The following TMC1 variants were observed in gnomAD, a reference collection of about 807,000 sequenced individuals.
TMC1 encodes transmembrane channel-like protein 1.
Under a neutral mutation model 105.8 loss-of-function variants are expected in TMC1, and 84 were observed. The observed-to-expected ratio is 0.79, with a 90% CI of 0.67 to 0.95. The LOEUF (loss-of-function observed/expected upper bound fraction) is 0.95. Ranked by LOEUF, TMC1 falls within the 40% of genes least tolerant of loss-of-function variation. The probability of loss-of-function intolerance (pLI) is 0.00; values close to 1 mark genes in which losing one functional copy is unlikely to be tolerated. For synonymous variants in TMC1, 315 were observed against 311.5 expected, an observed-to-expected ratio of 1.01 and a Z score of -0.12; for missense variants, 817 against 914.1, an observed-to-expected ratio of 0.89 and a Z score of 1.37.
chr9:72,773,594 T>C (rs919307119), intron 13 of TMC1, among the ~76,000 whole-genome samples: 3 of 152,208 alleles, frequency 2.0e-5, no homozygotes, highest in African/African-American at 7.2e-5. Flanking sequence ...TATAAGAGAC[T>C]GTCCATCAGA....
intron 2 of TMC1, among the ~76,000 whole-genome samples, chr9:72,584,823 T>G (rs1824529391): frequency 6.9e-6 from 1 of 144,860 alleles, no homozygotes; most frequent in Non-Finnish European, 1.5e-5. Flanking sequence ...CTCGCTTCGT[T>G]GCCCAGGCTG....
chr9:72,673,759 A>C (rs954705173), intron 5 of TMC1, among the ~76,000 whole-genome samples: 2 of 152,210 alleles, frequency 1.3e-5, no homozygotes, highest in Non-Finnish European at 2.9e-5. Context: ...TATCTATTAA[A>C]GAAATTAAGT....
intron 5 of TMC1, among the ~76,000 whole-genome samples, chr9:72,678,643 C>T (rs74550954): frequency 0.096 from 14,646 of 151,824 alleles, 831 homozygotes; most frequent in African/African-American, 0.14. Context: ...TGTTTATATG[C>T]AGTATGTATA....
At chr9:72,791,832 C>A in intron 15 of TMC1, 54 bp from the exon 16 acceptor site, 1 of 1,515,442 alleles carries the variant, frequency 6.6e-7, no homozygotes, top group Non-Finnish European at 9.1e-7. Context: ...TGGCAAAAAG[C>A]AATAATAACT....
At chr9:72,742,317 G>T in intron 9 of TMC1, 127 bp from the exon 10 acceptor site, 1 of 763,428 alleles carries the variant, frequency 1.3e-6, no homozygotes. Flanking sequence ...CCTTTGACTA[G>T]AAAGTAGTAT....
intron 12 of TMC1, among the ~76,000 whole-genome samples, chr9:72,757,688 C>G (rs1027961849): frequency 1.3e-5 from 2 of 152,156 alleles, no homozygotes; most frequent in Non-Finnish European, 2.9e-5. Context: ...TTGACTGTGA[C>G]CTGTCACGTG....
intron 1 of TMC1, among the ~76,000 whole-genome samples, chr9:72,543,982 C>T (rs1422355261): frequency 3.8e-5 from 5 of 132,580 alleles, no homozygotes; most frequent in African/African-American, 8.8e-5. Context: ...GATGGAGTCT[C>T]GTTCTTTCAC....
intron 19 of TMC1, among the ~76,000 whole-genome samples, chr9:72,816,890 C>T (rs766042558): frequency 3.4e-4 from 51 of 152,154 alleles, no homozygotes; most frequent in Non-Finnish European, 6.0e-4. Flanking sequence ...TCACGACATC[C>T]GATTCATCTG....
At chr9:72,803,247 G>A (rs550192176) in intron 17 of TMC1, among the ~76,000 whole-genome samples, 1 of 152,220 alleles carries the variant, frequency 6.6e-6, no homozygotes, top group African/African-American at 2.4e-5. Flanking sequence ...TGGATTAAAT[G>A]CTTATATATA....
intron 20 of TMC1, among the ~76,000 whole-genome samples, chr9:72,824,796 A>G (rs1828927358): frequency 6.6e-6 from 1 of 152,236 alleles, no homozygotes; most frequent in East Asian, 1.9e-4. Flanking sequence ...ATCAGAGGAA[A>G]GTGCGCCAAA....
intron 4 of TMC1, among the ~76,000 whole-genome samples, chr9:72,629,584 G>T (rs1394225607): frequency 6.6e-6 from 1 of 152,166 alleles, no homozygotes; most frequent in Non-Finnish European, 1.5e-5. Context: ...GTTTCTGTGT[G>T]TGTGTGTGTT....
intron 13 of TMC1, among the ~76,000 whole-genome samples, chr9:72,782,844 G>A (rs1230085552): frequency 6.6e-6 from 1 of 152,032 alleles, no homozygotes; most frequent in African/African-American, 2.4e-5. Flanking sequence ...AATTAATATT[G>A]TTAAAATGGC....
chr9:72,830,738 C>CTTTTTTTTTTTTTTTTTTTT (rs71495342), intron 23 of TMC1, 56 bp downstream of exon 23: 8 of 1,148,124 alleles, frequency 7.0e-6, no homozygotes, highest in Non-Finnish European at 7.3e-6. Context: ...CTTTTTCTTT[C>CTTTTTTTTTTTTTTTTTTTT]TTTTTTTTTT....
At chr9:72,573,746 G>A (rs1341202008) in intron 1 of TMC1, among the ~76,000 whole-genome samples, 1 of 152,064 alleles carries the variant, frequency 6.6e-6, no homozygotes, top group Non-Finnish European at 1.5e-5. Flanking sequence ...TATGTCAAAT[G>A]TTTTCTTTTG....
At chr9:72,638,408 A>G (rs1338896322) in intron 4 of TMC1, among the ~76,000 whole-genome samples, 2 of 152,010 alleles carry the variant, frequency 1.3e-5, no homozygotes, top group African/African-American at 4.8e-5. Flanking sequence ...TGACTATTCT[A>G]ATTCCAAATC....
chr9:72,758,752 G>A (rs868429785), intron 12 of TMC1, among the ~76,000 whole-genome samples: 1 of 152,114 alleles, frequency 6.6e-6, no homozygotes, highest in Non-Finnish European at 1.5e-5. Context: ...TTAACCAGAC[G>A]TTTCTCAGAA....
At chr9:72,765,475 C>G (rs1036574338) in intron 12 of TMC1, among the ~76,000 whole-genome samples, 1 of 151,544 alleles carries the variant, frequency 6.6e-6, no homozygotes, top group African/African-American at 2.4e-5. Context: ...AGAGCAGGCT[C>G]TAGAATGGGG....
At chr9:72,730,040 G>C (rs1458541578) in intron 8 of TMC1, among the ~76,000 whole-genome samples, 3 of 152,120 alleles carry the variant, frequency 2.0e-5, no homozygotes, top group Non-Finnish European at 4.4e-5. Context: ...GTTCCTTTTA[G>C]ACAGTACTAC....
At chr9:72,819,806 G>A (rs1828840557) in intron 19 of TMC1, among the ~76,000 whole-genome samples, 1 of 152,224 alleles carries the variant, frequency 6.6e-6, no homozygotes, top group Non-Finnish European at 1.5e-5. Flanking sequence ...CTTCATTATA[G>A]ATAGGACAGT....
Sources: allele counts gnomAD v4.1 joint callset (sites outside exome capture counted in the v4.1 genomes callset), GRCh38; gene constraint gnomAD v4.1.1; transcripts MANE v1.5; gene names NCBI Gene and HGNC (gene_info 2026-07-23, HGNC 2026-07-21).